The following CCNT2 variants were observed in gnomAD, a reference collection of about 807,000 sequenced individuals.
CCNT2 encodes the protein cyclin-T2.
In CCNT2, 18 loss-of-function variants were observed where a neutral mutation model predicts 70.0. The ratio of observed to expected loss-of-function variants is 0.26; its 90% CI spans 0.18 to 0.38. CCNT2 has a LOEUF of 0.38. Among genes scored for constraint, CCNT2 ranks in the 10% least tolerant of loss-of-function variants. CCNT2 has a pLI of 1.00. For synonymous variants in CCNT2, 334 were observed against 313.3 expected (o/e 1.07, Z -0.70); for missense variants, 734 against 890.2 (o/e 0.82, Z 2.23).
intron 3 of CCNT2, 91 bp from the exon 4 acceptor site, chr2:134,938,911 T>C: frequency 1.3e-6 from 1 of 771,344 alleles, no homozygotes; most frequent in Non-Finnish European, 2.1e-6. Context: ...TCTTTTGTAA[T>C]CAACCTGTAA....
chr2:134,943,978 T>G (rs1433124014), intron 5 of CCNT2: 2 of 966,348 alleles, frequency 2.1e-6, no homozygotes, highest in East Asian at 2.3e-4. Flanking sequence ...TGAATTCATT[T>G]TATACCTAGT....
chr2:134,943,369 C>T, intron 5 of CCNT2: 10 of 894,498 alleles, frequency 1.1e-5, no homozygotes, highest in Non-Finnish European at 1.3e-5. Context: ...CCCCTGCACT[C>T]TACCTTGGGC....
Position 134,954,204 on chromosome 2 carries a change from C to T in CCNT2, c.1749C>T (p.Ser583=), listed in dbSNP as rs372675856. 38 of 1,614,102 alleles carry T rather than the reference C, an allele frequency of 2.4e-5. No individual in the cohort carries two copies. The East Asian group carries it at 2.7e-4, about 11-fold the overall frequency. ...HKHSHSHSGS[S]SGGSKHSADG... ...ATTCCCACTCGCATAGTGGCAGCAG[C>T]AGCGGTGGCAGTAAACACAGTGCCG... The change falls in exon 9 of 9, where the codon AGC becomes AGT. Residue 583 remains serine, a synonymous_variant. Coordinates refer to ENST00000264157, the MANE Select transcript of CCNT2 (RefSeq NM_058241.3).
chr2:134,948,035 TAG>T (rs1682125657), intron 7 of CCNT2, 136 bp downstream of exon 7: 1 of 470,980 alleles, frequency 2.1e-6, no homozygotes, highest in Admixed American at 3.8e-5. Flanking sequence ...GAAAAAAAAA[TAG>T]AGTCTGGAAG....
intron 1 of CCNT2, 54 bp downstream of exon 1, chr2:134,919,066 G>C (rs145758274): frequency 9.2e-6 from 14 of 1,525,408 alleles, no homozygotes; most frequent in African/African-American, 1.4e-5. Context: ...CCCGGTCGCC[G>C]GGCCTGGTGC....
intron 4 of CCNT2, among the ~76,000 whole-genome samples, chr2:134,941,792 G>C (rs1483987009): frequency 6.6e-6 from 1 of 152,164 alleles, no homozygotes; most frequent in Non-Finnish European, 1.5e-5. Context: ...CACAGAGAAT[G>C]AAAAGTGTTA....
Position 134,953,543 on chromosome 2 carries a change from T to C in CCNT2, c.1088T>C (p.Leu363Pro), listed in dbSNP as rs1389867604. Residue 363 changes from leucine to proline, a missense_variant, in exon 9 of 9, where the codon CTA becomes CCA. By Grantham distance (98) the Leu-to-Pro change is moderately conservative (BLOSUM62 -3). Coordinates refer to ENST00000264157, the MANE Select transcript of CCNT2 (RefSeq NM_058241.3). ...QHQDSARTEQ[L>P]YSQKQETSLS... The stretch of plus-strand genomic sequence containing the variant: ...CAAGACTCAGCAAGGACAGAACAGC[T>C]ATATTCACAGAAACAGGAGACATCT... The C allele has an allele frequency of 6.2e-7, 1 of 1,614,212 alleles. No individual in the cohort carries two copies. The highest frequency in any genetic ancestry group is 2.2e-5 in the East Asian group (1 of 44,888).
chr2:134,941,474 T>C lies in CCNT2; in HGVS notation c.431-1138T>C, dbSNP rs76748722. 9.7e-3 allele frequency among the ~76,000 whole-genome samples: 1,478 copies of C among 152,280 alleles called. 7 individuals are homozygous for C. The highest frequency in any genetic ancestry group is 0.014 in the Non-Finnish European group (962 of 68,024). On this transcript the variant is annotated intron_variant, in intron 4 of 8. Coordinates refer to ENST00000264157, the MANE Select transcript of CCNT2 (RefSeq NM_058241.3). Reference sequence around the variant, plus strand: ...GCGGTAAGCAGGTTCTGATCAACGATAGTTAAGTCTTAGGGGAGTACTTGG... The same window carrying C: ...GCGGTAAGCAGGTTCTGATCAACGACAGTTAAGTCTTAGGGGAGTACTTGG...
chr2:134,934,124 A>AT (rs1680984410), intron 2 of CCNT2, among the ~76,000 whole-genome samples: 1 of 152,228 alleles, frequency 6.6e-6, no homozygotes, highest in Non-Finnish European at 1.5e-5. Context: ...AAATAGTTAT[A>AT]TATCTGCTAG....
Position 134,954,618 on chromosome 2 carries a change from A to C in CCNT2, c.2163A>C (p.Ser721=). ...AAGACACATTCGACATGCTGGACTC[A>C]CTGTTAAGTGCCCAAGGAATGAACA... ...DYKDTFDMLD[S]LLSAQGMNM Residue 721 remains serine (S), a synonymous_variant, in exon 9 of 9, where the codon TCA becomes TCC. Transcript: ENST00000264157. The C allele has an allele frequency of 6.2e-7, 1 of 1,610,656 alleles. No homozygotes were observed. Among genetic ancestry groups the C allele is most frequent in the Non-Finnish European group, 8.5e-7 (1 of 1,176,950 alleles).
At chr2:134,923,949 C>T (rs1680097231) in intron 2 of CCNT2, among the ~76,000 whole-genome samples, 1 of 152,228 alleles carries the variant, frequency 6.6e-6, no homozygotes, top group South Asian at 2.1e-4. Context: ...ATTTGCCCGC[C>T]TCATTGCACT....
intron 2 of CCNT2, among the ~76,000 whole-genome samples, chr2:134,920,892 C>T (rs1679849704): frequency 6.6e-6 from 1 of 152,178 alleles, no homozygotes; most frequent in African/African-American, 2.4e-5. Flanking sequence ...TGAGTCCTAC[C>T]TTAATCTCTT....
chr2:134,941,743 G>A (rs1172048311), intron 4 of CCNT2, among the ~76,000 whole-genome samples: 6 of 151,972 alleles, frequency 3.9e-5, no homozygotes, highest in South Asian at 2.1e-4. Context: ...ATATAAAATC[G>A]TAATGTAATA....
Position 134,949,712 on chromosome 2 carries a change from T to A in CCNT2, c.703+1813T>A, listed in dbSNP as rs376678213. Reference sequence around the variant, plus strand: ...ATCTAAAACTCAGTGAGGGCTTATCTGTTCTATAGCTTGAAAAATCAGGTT... The same window carrying A: ...ATCTAAAACTCAGTGAGGGCTTATCAGTTCTATAGCTTGAAAAATCAGGTT... On this transcript the variant is annotated intron_variant, in intron 7 of 8. Coordinates refer to ENST00000264157, the MANE Select transcript of CCNT2 (RefSeq NM_058241.3). Among the ~76,000 whole-genome samples, 6 of 151,576 alleles carry A rather than the reference T, an allele frequency of 4.0e-5. No homozygotes were observed. In the South Asian group the frequency reaches 1.2e-3, roughly 31 times the overall value.
chr2:134,941,367 T>A (rs1681566299), intron 4 of CCNT2, among the ~76,000 whole-genome samples: 1 of 152,234 alleles, frequency 6.6e-6, no homozygotes, highest in Non-Finnish European at 1.5e-5. Flanking sequence ...TTTCTTTAGC[T>A]TACTGTGTTG....
intron 2 of CCNT2, among the ~76,000 whole-genome samples, chr2:134,920,619 G>C (rs1444509462): frequency 6.6e-6 from 1 of 152,154 alleles, no homozygotes. Context: ...TGAGTAACAC[G>C]CATACTGTGT....
Position 134,954,737 on chromosome 2 carries a change from C to A in CCNT2, c.*89C>A. 2 of 757,306 alleles carry A rather than the reference C, an allele frequency of 2.6e-6. No homozygotes were observed. The highest frequency in any genetic ancestry group is 2.2e-6 in the Non-Finnish European group (1 of 452,308). The allele number at this position is 757,306 out of a possible 1,614,324, so 46.9% of individuals were successfully genotyped here. ...TCCTTCTGATCTAGCAGTGGTAACC[C>A]CTGCTGTTGCTGCCACTGCTTCAAT... is the stretch of plus-strand genomic sequence containing the variant. On this transcript the variant is annotated 3_prime_UTR_variant, in exon 9 of 9. Transcript: ENST00000264157.
chr2:134,940,972 A>G (rs1211398864), intron 4 of CCNT2, among the ~76,000 whole-genome samples: 2 of 152,262 alleles, frequency 1.3e-5, no homozygotes, highest in Non-Finnish European at 2.9e-5. Flanking sequence ...TTGTGAAGTC[A>G]TCGCTGCAGC....
chr2:134,919,745 C>T, intron 1 of CCNT2, 65 bp from the exon 2 acceptor site: 13 of 1,258,708 alleles, frequency 1.0e-5, no homozygotes, highest in Non-Finnish European at 1.2e-5. Flanking sequence ...GGGAATTTTC[C>T]ATCAAAATTG....
Sources: gnomAD v4.1 joint callset for allele counts (sites outside exome capture counted in the v4.1 genomes callset) on GRCh38, gnomAD v4.1.1 for gene constraint, MANE v1.5 for transcripts, NCBI Gene and HGNC (gene_info 2026-07-23, HGNC 2026-07-21) for gene names.